Variants in CAMKMT observed in about 807,000 individuals in gnomAD.
CAMKMT encodes calmodulin-lysine N-methyltransferase, also known as CaM KMT.
A neutral mutation model predicts 48.0 loss-of-function variants in CAMKMT; 53 were observed. The observed-to-expected ratio is 1.10, with a 90% CI of 0.89 to 1.39. CAMKMT has a LOEUF of 1.39. Among genes scored for constraint, CAMKMT ranks in the 40% most tolerant of loss-of-function variants. CAMKMT has a pLI of 0.00. For synonymous variants in CAMKMT, 165 were observed against 152.3 expected, an observed-to-expected ratio of 1.08 and a Z score of -0.61; for missense variants, 428 against 402.7, an observed-to-expected ratio of 1.06 and a Z score of -0.54.
chr2:44,717,137 T>C (rs1015483490), intron 7 of CAMKMT, among the ~76,000 whole-genome samples: 3 of 152,016 alleles, frequency 2.0e-5, no homozygotes, highest in African/African-American at 7.2e-5. Flanking sequence ...TCTATTTTTC[T>C]GTTCTCAAAA....
chr2:44,422,238 G>A (rs1009171480), intron 3 of CAMKMT, among the ~76,000 whole-genome samples: 3 of 152,188 alleles, frequency 2.0e-5, no homozygotes, highest in South Asian at 2.1e-4. Context: ...AGGCCTCACC[G>A]GAAGCTGAGC....
At chr2:44,683,702 A>G (rs1428316932) in intron 3 of CAMKMT, among the ~76,000 whole-genome samples, 1 of 151,486 alleles carries the variant, frequency 6.6e-6, no homozygotes, top group Non-Finnish European at 1.5e-5. Context: ...GGACGCCTGT[A>G]GTCCCAGCTA....
intron 3 of CAMKMT, chr2:44,631,662 A>G: frequency 2.4e-6 from 1 of 416,084 alleles, no homozygotes; most frequent in Non-Finnish European, 4.2e-6. Context: ...CCATCTGACA[A>G]GTTTTTCTTT....
In CAMKMT at chr2:44,772,391, A is replaced by G. The variant is rs1444991319; in HGVS notation, c.*278A>G. On this transcript the variant is annotated 3_prime_UTR_variant, in exon 11 of 11. Transcript: ENST00000378494. ...GCTGCCTGTCTGTGACTTGAATTTG[A>G]CTGGTGAACAAACTAAATATTTTTC... 4 of 292,006 alleles carry G rather than the reference A, an allele frequency of 1.4e-5. No homozygotes were observed. Among genetic ancestry groups the G allele is most frequent in the African/African-American group, 2.2e-5 (1 of 45,730 alleles). 18.1% of individuals were successfully genotyped at this position (292,006 alleles called of 1,614,324 possible). A position where few individuals can be genotyped will look rare whatever the true frequency, so the allele number is the denominator to read the frequency against.
At chr2:44,714,698 C>A (rs1408247508) in intron 6 of CAMKMT, among the ~76,000 whole-genome samples, 4 of 152,126 alleles carry the variant, frequency 2.6e-5, no homozygotes, top group Non-Finnish European at 5.9e-5. Flanking sequence ...GGACTCCTTG[C>A]CCTTTTAAGC....
At chr2:44,527,716 T>G (rs1445342902) in intron 3 of CAMKMT, among the ~76,000 whole-genome samples, 1 of 151,400 alleles carries the variant, frequency 6.6e-6, no homozygotes, top group East Asian at 1.9e-4. Flanking sequence ...AGAACAGTGT[T>G]AGGTTCACAG....
intron 3 of CAMKMT, among the ~76,000 whole-genome samples, chr2:44,629,546 C>T (rs895408869): frequency 6.6e-6 from 1 of 151,368 alleles, no homozygotes; most frequent in Non-Finnish European, 1.5e-5. Context: ...TCAAGCAATC[C>T]TCCCACCTTG....
intron 7 of CAMKMT, among the ~76,000 whole-genome samples, chr2:44,727,290 T>C (rs1678843530): frequency 6.6e-6 from 1 of 152,232 alleles, no homozygotes; most frequent in African/African-American, 2.4e-5. Context: ...TGTCTTTGAT[T>C]TCTTTCAGCA....
chr2:44,422,861 T>C (rs1034105504), intron 3 of CAMKMT, among the ~76,000 whole-genome samples: 1 of 152,132 alleles, frequency 6.6e-6, no homozygotes, highest in African/African-American at 2.4e-5. Flanking sequence ...GATGAAGAGA[T>C]ACATAGAACC....
intron 1 of CAMKMT, among the ~76,000 whole-genome samples, 192 bp from the exon 2 acceptor site, chr2:44,372,524 G>A (rs1447546127): frequency 6.6e-6 from 1 of 150,644 alleles, no homozygotes; most frequent in Non-Finnish European, 1.5e-5. Flanking sequence ...GCTCTCTGAT[G>A]TCTTCAAGTA....
intron 7 of CAMKMT, among the ~76,000 whole-genome samples, chr2:44,720,842 G>T (rs978641543): frequency 6.6e-6 from 1 of 152,110 alleles, no homozygotes; most frequent in African/African-American, 2.4e-5. Context: ...TTCTATGCAA[G>T]AACAGGTATT....
chr2:44,628,829 A>T (rs905181914), intron 3 of CAMKMT, among the ~76,000 whole-genome samples: 2 of 152,168 alleles, frequency 1.3e-5, no homozygotes, highest in African/African-American at 4.8e-5. Flanking sequence ...AGTTTTCAAG[A>T]CATCTTTTTT....
chr2:44,482,182 T>G (rs747428608), intron 3 of CAMKMT, among the ~76,000 whole-genome samples: 14 of 152,122 alleles, frequency 9.2e-5, no homozygotes, highest in Non-Finnish European at 1.8e-4. Flanking sequence ...TGCCTGAATT[T>G]GAGAAAGCAG....
chr2:44,586,813 A>G (rs931384689), intron 3 of CAMKMT, among the ~76,000 whole-genome samples: 5 of 152,172 alleles, frequency 3.3e-5, no homozygotes, highest in Admixed American at 6.5e-5. Flanking sequence ...TTATTTTTCT[A>G]GAGTAAATAC....
intron 3 of CAMKMT, among the ~76,000 whole-genome samples, chr2:44,463,692 G>A (rs1277722521): frequency 2.0e-5 from 3 of 152,112 alleles, no homozygotes; most frequent in Non-Finnish European, 2.9e-5. Context: ...CAGTACCACA[G>A]ACAGGCGCAA....
chr2:44,625,638 C>CT (rs1367240452), intron 3 of CAMKMT, among the ~76,000 whole-genome samples: 1 of 151,776 alleles, frequency 6.6e-6, no homozygotes, highest in African/African-American at 2.4e-5. Flanking sequence ...TATTTTAAAG[C>CT]TTTAGCATTT....
intron 3 of CAMKMT, among the ~76,000 whole-genome samples, chr2:44,593,640 A>G (rs1670456225): frequency 6.6e-6 from 1 of 152,064 alleles, no homozygotes; most frequent in African/African-American, 2.4e-5. Context: ...CTTGAATACC[A>G]TAGTTTCATT....
intron 3 of CAMKMT, among the ~76,000 whole-genome samples, chr2:44,579,241 T>TG (rs2103767454): frequency 6.6e-6 from 1 of 152,124 alleles, no homozygotes; most frequent in African/African-American, 2.4e-5. Context: ...ATTTTTTTTT[T>TG]GGAACAAATT....
intron 3 of CAMKMT, among the ~76,000 whole-genome samples, chr2:44,478,995 G>A (rs1668833923): frequency 6.6e-6 from 1 of 152,196 alleles, no homozygotes; most frequent in East Asian, 1.9e-4. Flanking sequence ...CACCGCGCCC[G>A]GCAATTGCTT....
Sources: gnomAD v4.1 joint callset for allele counts (sites outside exome capture counted in the v4.1 genomes callset) on GRCh38, gnomAD v4.1.1 for gene constraint, MANE v1.5 for transcripts, NCBI Gene and HGNC (gene_info 2026-07-23, HGNC 2026-07-21) for gene names.